The following THSD4 variants were observed in gnomAD, a reference collection of about 807,000 sequenced individuals.
The protein encoded by THSD4 is thrombospondin type 1 domain containing 4, also known as thrombospondin type-1 domain-containing protein 4.
Under a neutral mutation model 119.0 loss-of-function variants are expected in THSD4, and 69 were observed. That is an observed-to-expected ratio of 0.58 (90% confidence interval 0.48 to 0.71). THSD4 has a LOEUF of 0.71. THSD4 is among the 30% of genes least tolerant of loss of function. The probability of loss-of-function intolerance (pLI) is 0.00; values close to 1 mark genes in which losing one functional copy is unlikely to be tolerated. For synonymous variants in THSD4, 524 were observed against 540.4 expected (o/e 0.97, Z 0.42); for missense variants, 1,393 against 1,391.1 (o/e 1.00, Z -0.02).
At chr15:71,125,247 C>T (rs370384150) in intron 1 of THSD4, among the ~76,000 whole-genome samples, 1 of 152,136 alleles carries the variant, frequency 6.6e-6, no homozygotes, top group African/African-American at 2.4e-5. Flanking sequence ...TGCCTGACTC[C>T]CAACAGCCTG....
At chr15:71,581,150 A>G (rs180781528) in intron 7 of THSD4, among the ~76,000 whole-genome samples, 9 of 152,196 alleles carry the variant, frequency 5.9e-5, no homozygotes, top group African/African-American at 2.2e-4. Context: ...GTTTTCCTTA[A>G]TGACCATACC....
intron 7 of THSD4, among the ~76,000 whole-genome samples, chr15:71,647,631 T>C (rs2050996769): frequency 6.6e-6 from 1 of 152,220 alleles, no homozygotes; most frequent in African/African-American, 2.4e-5. Flanking sequence ...CCTGATGTTT[T>C]TCATTGAGTT....
Position 71,154,717 on chromosome 15 carries a change from C to G in THSD4, c.30-146C>G, listed in dbSNP as rs2040758999. ...CTGCCTCCCTCCTTTGGGGCCAACA[C>G]TTTGTGTCTTCACTGGGTCACATCC... On this transcript the variant is annotated intron_variant, in intron 2 of 17. Transcript: ENST00000261862. The G allele has an allele frequency of 3.9e-6, 3 of 774,656 alleles. No homozygotes were observed. The African/African-American group carries it at 5.0e-5, about 13-fold the overall frequency. The allele number at this position is 774,656 out of a possible 1,614,324, so 48.0% of individuals were successfully genotyped here.
At chr15:71,639,007 GCT>G (rs1242770140) in intron 7 of THSD4, among the ~76,000 whole-genome samples, 1 of 152,154 alleles carries the variant, frequency 6.6e-6, no homozygotes, top group Non-Finnish European at 1.5e-5. Context: ...TGCAAAATTT[GCT>G]CTGATGCTCA....
chr15:71,605,816 T>G (rs537461515), intron 7 of THSD4, among the ~76,000 whole-genome samples: 4 of 152,296 alleles, frequency 2.6e-5, no homozygotes, highest in African/African-American at 9.6e-5. Flanking sequence ...AAGATGAGAT[T>G]ACCAAGTGTA....
chr15:71,550,216 A>G (rs186979480), intron 7 of THSD4, among the ~76,000 whole-genome samples: 1 of 152,330 alleles, frequency 6.6e-6, no homozygotes, highest in Admixed American at 6.5e-5. Flanking sequence ...GAGCGTGCCA[A>G]CGTGCAGCTT....
chr15:71,521,033 A>G (rs1023816008), intron 7 of THSD4, among the ~76,000 whole-genome samples: 1 of 152,232 alleles, frequency 6.6e-6, no homozygotes, highest in African/African-American at 2.4e-5. Context: ...TGGTAGATCA[A>G]CTACCAGCAT....
intron 1 of THSD4, among the ~76,000 whole-genome samples, chr15:71,132,805 T>C (rs1326043481): frequency 6.6e-6 from 1 of 152,152 alleles, no homozygotes; most frequent in Non-Finnish European, 1.5e-5. Flanking sequence ...CGTATGTGTG[T>C]GTATGTGTGT....
intron 6 of THSD4, among the ~76,000 whole-genome samples, chr15:71,310,756 G>A (rs1443409293): frequency 1.3e-5 from 2 of 152,190 alleles, no homozygotes; most frequent in Non-Finnish European, 2.9e-5. Flanking sequence ...TTTATGGTTG[G>A]CTTTGGGGAA....
chr15:71,131,915 A>C (rs1193138485), intron 1 of THSD4, among the ~76,000 whole-genome samples: 1 of 152,194 alleles, frequency 6.6e-6, no homozygotes, highest in East Asian at 1.9e-4. Context: ...CGATGGAAAA[A>C]GGGTCCCCAG....
At chr15:71,701,404 CTAAG>C (rs1208361792) in intron 8 of THSD4, among the ~76,000 whole-genome samples, 1 of 152,084 alleles carries the variant, frequency 6.6e-6, no homozygotes, top group Non-Finnish European at 1.5e-5. Flanking sequence ...TTGTGACTCA[CTAAG>C]TATTGAGTGT....
chr15:71,677,248 C>T (rs1367893668), intron 8 of THSD4, among the ~76,000 whole-genome samples: 1 of 152,232 alleles, frequency 6.6e-6, no homozygotes, highest in Non-Finnish European at 1.5e-5. Context: ...TCACAAACAA[C>T]TCAAAGTGAT....
intron 2 of THSD4, among the ~76,000 whole-genome samples, chr15:71,146,736 G>A (rs528917720): frequency 2.0e-5 from 3 of 152,324 alleles, no homozygotes; most frequent in African/African-American, 7.2e-5. Context: ...CCCGGGAGGA[G>A]CCATCTGAGT....
chr15:71,281,184 C>T (rs549665241), intron 6 of THSD4, among the ~76,000 whole-genome samples: 35 of 152,308 alleles, frequency 2.3e-4, no homozygotes, highest in Middle Eastern at 3.4e-3. Context: ...GGTATGAATC[C>T]GAGAAGTCTA....
chr15:71,315,167 C>A (rs932694922), intron 6 of THSD4, among the ~76,000 whole-genome samples: 1 of 152,200 alleles, frequency 6.6e-6, no homozygotes, highest in Non-Finnish European at 1.5e-5. Flanking sequence ...TTTGTCCTCC[C>A]AGCATGGCCT....
intron 6 of THSD4, among the ~76,000 whole-genome samples, chr15:71,389,449 C>T (rs113224001): frequency 2.7e-5 from 4 of 146,010 alleles, no homozygotes; most frequent in African/African-American, 7.5e-5. Context: ...TGTTGTAGCA[C>T]GTGTCAGAAT....
At chr15:71,397,109 C>G (rs2046464099) in intron 6 of THSD4, among the ~76,000 whole-genome samples, 1 of 152,350 alleles carries the variant, frequency 6.6e-6, no homozygotes, top group East Asian at 1.9e-4. Context: ...TGGTTTACCT[C>G]TGCAGCCTCA....
chr15:71,647,852 G>A (rs1038984593), intron 7 of THSD4, among the ~76,000 whole-genome samples: 42 of 152,178 alleles, frequency 2.8e-4, no homozygotes, highest in Non-Finnish European at 1.9e-4. Context: ...ATCAAGAGAC[G>A]CTATAGGAGA....
At chr15:71,687,823 A>G (rs567479110) in intron 8 of THSD4, among the ~76,000 whole-genome samples, 16 of 152,214 alleles carry the variant, frequency 1.1e-4, no homozygotes, top group Non-Finnish European at 2.2e-4. Flanking sequence ...TCAATCAAAA[A>G]TATTTGAATG....
Sources: allele counts gnomAD v4.1 joint callset (sites outside exome capture counted in the v4.1 genomes callset), GRCh38; gene constraint gnomAD v4.1.1; transcripts MANE v1.5; gene names NCBI Gene and HGNC (gene_info 2026-07-23, HGNC 2026-07-21).